FHOD3: variants seen among roughly 807,000 people sequenced by gnomAD.
FHOD3 encodes the protein FH1/FH2 domain-containing protein 3.
FHOD3 carries 90 observed loss-of-function variants against 173.0 expected under a neutral mutation model. The ratio of observed to expected loss-of-function variants is 0.52; its 90% CI spans 0.44 to 0.62. The LOEUF is 0.62. Among genes scored for constraint, FHOD3 ranks in the 20% least tolerant of loss-of-function variants. The pLI, the probability that FHOD3 is intolerant of heterozygous loss-of-function variation, is 0.00. For missense variants in FHOD3, 1,945 were observed against 2,034.7 expected, an observed-to-expected ratio of 0.96 and a Z score of 0.85; for synonymous variants, 828 against 823.0, an observed-to-expected ratio of 1.01 and a Z score of -0.10.
At chr18:36,682,749 T>C (rs1280755833) in intron 15 of FHOD3, among the ~76,000 whole-genome samples, 3 of 152,122 alleles carry the variant, frequency 2.0e-5, no homozygotes, top group South Asian at 2.1e-4. Context: ...GCCTGGCTAA[T>C]TTTTGTAATT....
At chr18:36,433,897 T>G (rs2050681459) in intron 3 of FHOD3, among the ~76,000 whole-genome samples, 1 of 152,214 alleles carries the variant, frequency 6.6e-6, no homozygotes, top group South Asian at 2.1e-4. Flanking sequence ...ATGATGAGTT[T>G]AGACAAATGT....
Position 36,693,349 on chromosome 18 carries a change from G to A in FHOD3, c.2162G>A (p.Ser721Asn), listed in dbSNP as rs374836945. ...APACLAPLSH[S>N]PSSSDSQEAL... Reference sequence around the variant, plus strand: ...GCCTGCCTGGCTCCTCTGAGCCATAGCCCCTCATCTTCAGACTCTCAAGAG... The same window carrying A: ...GCCTGCCTGGCTCCTCTGAGCCATAACCCCTCATCTTCAGACTCTCAAGAG... The change falls in exon 17 of 29, where the codon AGC becomes AAC. Residue 721 changes from serine to asparagine, a missense_variant. Ser to Asn is a conservative substitution (Grantham distance 46). Transcript: ENST00000590592. The A allele has an allele frequency of 3.7e-6, 6 of 1,613,822 alleles. No individual in the cohort carries two copies. Among genetic ancestry groups the A allele is most frequent in the South Asian group, 2.2e-5 (2 of 91,066 alleles).
At chr18:36,347,243 C>T (rs1192892131) in intron 1 of FHOD3, among the ~76,000 whole-genome samples, 2 of 152,170 alleles carry the variant, frequency 1.3e-5, no homozygotes, top group African/African-American at 4.8e-5. Context: ...AAAATATATT[C>T]CAGCTTTTTC....
intron 14 of FHOD3, among the ~76,000 whole-genome samples, chr18:36,659,255 T>C (rs2036620004): frequency 6.6e-6 from 1 of 152,192 alleles, no homozygotes; most frequent in Non-Finnish European, 1.5e-5. Flanking sequence ...ACTTCTAAGA[T>C]GGCATGTAGA....
chr18:36,338,038 A>G (rs2045414373), intron 1 of FHOD3, among the ~76,000 whole-genome samples: 1 of 152,212 alleles, frequency 6.6e-6, no homozygotes, highest in Non-Finnish European at 1.5e-5. Flanking sequence ...TCACAGAGTT[A>G]ATGAATTACT....
chr18:36,773,218 G>C (rs773642344), intron 28 of FHOD3, among the ~76,000 whole-genome samples: 2 of 152,190 alleles, frequency 1.3e-5, no homozygotes, highest in Non-Finnish European at 2.9e-5. Context: ...CTCCCAAACA[G>C]GGGGAACTGA....
At chr18:36,362,749 G>T (rs1401523333) in intron 2 of FHOD3, among the ~76,000 whole-genome samples, 1 of 152,222 alleles carries the variant, frequency 6.6e-6, no homozygotes, top group Non-Finnish European at 1.5e-5. Flanking sequence ...TTGTCCATCA[G>T]TAAGAGACTC....
chr18:36,408,629 A>G (rs1472490626), intron 3 of FHOD3, among the ~76,000 whole-genome samples: 1 of 152,158 alleles, frequency 6.6e-6, no homozygotes. Context: ...CCCAGGACAT[A>G]GTGCCAGTGG....
chr18:36,523,805 A>T lies in FHOD3; in HGVS notation c.511+11262A>T, dbSNP rs182111906. ...AAGTAAAATATAAAAAGCAGAAGGG[A>T]TGAAAGCAGAGCTGTTTAACTTTCC... On this transcript the variant is annotated intron_variant, in intron 5 of 28. Coordinates refer to ENST00000590592, the MANE Select transcript of FHOD3 (RefSeq NM_001281740.3). 3.3e-3 allele frequency among the ~76,000 whole-genome samples: 500 copies of T among 152,302 alleles called. 12 individuals are homozygous for T. Among genetic ancestry groups the T allele is most frequent in the Non-Finnish European group, 6.3e-4 (43 of 68,034 alleles).
At chr18:36,349,442 A>G (rs377526302) in intron 1 of FHOD3, among the ~76,000 whole-genome samples, 1 of 152,240 alleles carries the variant, frequency 6.6e-6, no homozygotes, top group African/African-American at 2.4e-5. Flanking sequence ...ATGAAGTGCC[A>G]TAAGCACTTG....
intron 19 of FHOD3, 24 bp from the exon 20 acceptor site, chr18:36,730,622 G>T: frequency 6.2e-7 from 1 of 1,606,432 alleles, no homozygotes. Context: ...CATTAATCTT[G>T]GATTCTCCTT....
intron 3 of FHOD3, among the ~76,000 whole-genome samples, chr18:36,472,514 A>T (rs969539575): frequency 2.6e-5 from 4 of 152,032 alleles, no homozygotes; most frequent in Admixed American, 2.6e-4. Flanking sequence ...ATTCCAGAAC[A>T]TTTTCATCAC....
chr18:36,390,588 T>G (rs191134302), intron 3 of FHOD3, among the ~76,000 whole-genome samples: 1 of 152,312 alleles, frequency 6.6e-6, no homozygotes, highest in Non-Finnish European at 1.5e-5. Flanking sequence ...AAACACTTTT[T>G]TTGAATAATG....
At chr18:36,361,615 G>A (rs1311179900) in intron 2 of FHOD3, among the ~76,000 whole-genome samples, 1 of 151,398 alleles carries the variant, frequency 6.6e-6, no homozygotes, top group African/African-American at 2.4e-5. Context: ...GAACCCAGGA[G>A]GTAGAGGTTG....
chr18:36,663,902 T>G (rs1263343387), intron 14 of FHOD3, among the ~76,000 whole-genome samples: 1 of 152,244 alleles, frequency 6.6e-6, no homozygotes. Flanking sequence ...TGCTTGTGTC[T>G]TCCCATTCTT....
intron 3 of FHOD3, among the ~76,000 whole-genome samples, chr18:36,406,724 C>G (rs868082393): frequency 1.3e-5 from 2 of 152,108 alleles, no homozygotes; most frequent in Non-Finnish European, 2.9e-5. Flanking sequence ...CATATTCTGG[C>G]GGGCAGCTTG....
chr18:36,372,665 C>T lies in FHOD3; in HGVS notation c.273-15C>T, dbSNP rs1310228868. On this transcript the variant is annotated splice_polypyrimidine_tract_variant and intron_variant, in intron 2 of 28. Coordinates refer to ENST00000590592, the MANE Select transcript of FHOD3 (RefSeq NM_001281740.3). ...GACTCCTCTGATGCCCCTGTTTTGTCTCCTGTCTCGTTAGGCGGGGCAAGA... is the reference window on the plus strand; with the variant it reads ...GACTCCTCTGATGCCCCTGTTTTGTTTCCTGTCTCGTTAGGCGGGGCAAGA... 3.1e-6 allele frequency: 5 copies of T among 1,613,202 alleles called. No homozygotes were observed.
intron 9 of FHOD3, among the ~76,000 whole-genome samples, chr18:36,615,681 C>T (rs1361479878): frequency 6.6e-6 from 1 of 152,052 alleles, no homozygotes; most frequent in East Asian, 1.9e-4. Flanking sequence ...AGATTATTTT[C>T]AAAGTTTTCA....
At chr18:36,722,247 A>G (rs2040831064) in intron 19 of FHOD3, among the ~76,000 whole-genome samples, 1 of 152,228 alleles carries the variant, frequency 6.6e-6, no homozygotes, top group South Asian at 2.1e-4. Context: ...GAAAGATGTC[A>G]GGGCAGAAAG....
Sources: allele counts gnomAD v4.1 joint callset (sites outside exome capture counted in the v4.1 genomes callset), GRCh38; gene constraint gnomAD v4.1.1; transcripts MANE v1.5; gene names NCBI Gene and HGNC (gene_info 2026-07-23, HGNC 2026-07-21).